The following LMAN1 variants were observed in gnomAD, a reference collection of about 807,000 sequenced individuals.
LMAN1 encodes protein ERGIC-53.
Under a neutral mutation model 67.8 loss-of-function variants are expected in LMAN1, and 32 were observed. The ratio of observed to expected loss-of-function variants is 0.47; its 90% confidence interval spans 0.36 to 0.63. The LOEUF (loss-of-function observed/expected upper bound fraction) is 0.63, where lower values mean the gene tolerates loss of function less well. LMAN1 is among the 30% of genes least tolerant of loss of function. The pLI is 0.00. For missense variants in LMAN1, 632 were observed against 628.2 expected, an observed-to-expected ratio of 1.01 and a Z score of -0.06; for synonymous variants, 235 against 219.3, an observed-to-expected ratio of 1.07 and a Z score of -0.63.
rs531639034 is a variant in LMAN1 at position 59,344,052 on chromosome 18, A to C, written c.955+1867T>G. Among the ~76,000 whole-genome samples, 3 of 152,284 alleles carry C rather than the reference A, an allele frequency of 2.0e-5. No homozygotes were observed. In the South Asian group the frequency reaches 6.2e-4, roughly 32 times the overall value. Reference sequence around the variant, plus strand: ...AATAAATGAAGAAATGCTCAACATCACTAATCATCAAAAAAATCCAAATTA... The same window carrying C: ...AATAAATGAAGAAATGCTCAACATCCCTAATCATCAAAAAAATCCAAATTA... On this transcript the variant is annotated intron_variant, in intron 8 of 12. Coordinates refer to ENST00000251047, the MANE Select transcript of LMAN1 (RefSeq NM_005570.4).
At position 59,353,239 on chromosome 18, in the gene LMAN1, A is replaced by G; in HGVS notation, c.602T>C (p.Val201Ala). The G allele has an allele frequency of 6.2e-7, 1 of 1,614,142 alleles. No individual in the cohort carries two copies. The highest frequency in any genetic ancestry group is 8.5e-7 in the Non-Finnish European group (1 of 1,180,002). ...CTGGTAATAGGTAATCTTTGCTCGGACAGGATAGGGTTTGTTGCGGAAGTC... is the reference window on the plus strand; with the variant it reads ...CTGGTAATAGGTAATCTTTGCTCGGGCAGGATAGGGTTTGTTGCGGAAGTC... ...QRDFRNKPYPVRAKITYYQNT... is the reference protein window; with the variant it reads ...QRDFRNKPYPARAKITYYQNT... Residue 201 changes from valine (V) to alanine (A), a missense_variant, in exon 5 of 13, where the codon GTC becomes GCC. Coordinates refer to ENST00000251047, the MANE Select transcript of LMAN1 (RefSeq NM_005570.4).
chr18:59,340,621 T>C, intron 8 of LMAN1, among the ~76,000 whole-genome samples: 1 of 152,056 alleles, frequency 6.6e-6, no homozygotes, highest in Non-Finnish European at 1.5e-5. Context: ...CAGACCAGCA[T>C]GACAGGAAAT....
intron 6 of LMAN1, 87 bp from the exon 7 acceptor site, chr18:59,347,658 T>C (rs1764686488): frequency 1.0e-6 from 1 of 969,014 alleles, no homozygotes; most frequent in Admixed American, 2.4e-5. Flanking sequence ...TATTTATTGT[T>C]TTAAATAACA....
At chr18:59,336,585 C>T (rs542122289) in intron 10 of LMAN1, among the ~76,000 whole-genome samples, 47 of 152,178 alleles carry the variant, frequency 3.1e-4, no homozygotes, top group African/African-American at 1.0e-3. Flanking sequence ...GGAATTATTT[C>T]GAAATATAAA....
chr18:59,356,890 A>G (rs1003547294), intron 1 of LMAN1, among the ~76,000 whole-genome samples: 5 of 152,234 alleles, frequency 3.3e-5, no homozygotes, highest in Admixed American at 2.6e-4. Context: ...AAAGGGTTAC[A>G]AATTATCATT....
In LMAN1 at chr18:59,355,363, G is replaced by C. The variant is rs746026925; in HGVS notation, c.427C>G (p.Leu143Val). The C allele has an allele frequency of 6.2e-7, 1 of 1,613,884 alleles. No homozygotes were observed. Among genetic ancestry groups the C allele is most frequent in the South Asian group, 1.1e-5 (1 of 91,074 alleles). The change falls in exon 3 of 13, where the codon CTG (leucine) becomes GTG (valine). Residue 143 changes from leucine (L) to valine (V), a missense_variant. Physicochemically the swap from Leu to Val is conservative, Grantham distance 32. Transcript: ENST00000251047. ...AAAAATATTCCAACACCATTCCACA[G>C]ATCAGCTGATCCAAACACAGGGCCC... ...LEGPVFGSAD[L>V]WNGVGIFFDS...
intron 1 of LMAN1, among the ~76,000 whole-genome samples, chr18:59,358,323 ACAAT>A (rs1383226482): frequency 1.3e-5 from 2 of 152,246 alleles, no homozygotes; most frequent in Non-Finnish European, 2.9e-5. Context: ...AGGTTCAGAA[ACAAT>A]CAATCCCTAA....
At position 59,328,120 on chromosome 18, in the gene LMAN1, T is replaced by C. The variant is rs2144203762; in HGVS notation, c.*2973A>G. On this transcript the variant is annotated 3_prime_UTR_variant, in exon 13 of 13. Coordinates refer to ENST00000251047, the MANE Select transcript of LMAN1 (RefSeq NM_005570.4). ...CAATAAGCACATGGACAGGGAAAGA[T>C]AATCACACCTTAATATTCACAACTG... is the stretch of plus-strand genomic sequence containing the variant. 1 of 152,354 alleles carries C rather than the reference T, an allele frequency of 6.6e-6. No homozygotes were observed. The highest frequency in any genetic ancestry group is 2.1e-4 in the South Asian group (1 of 4,828). The allele number at this position is 152,354 out of a possible 1,614,324, so 9.4% of individuals were successfully genotyped here. A position where few individuals can be genotyped will look rare whatever the true frequency, so the allele number is the denominator to read the frequency against.
In LMAN1 at chr18:59,355,630, T is replaced by A. The variant is rs767543393; in HGVS notation, c.243A>T (p.Arg81=). The A allele has an allele frequency of 3.2e-5, 52 of 1,613,900 alleles. No homozygotes were observed. The highest frequency in any genetic ancestry group is 4.2e-5 in the Non-Finnish European group (50 of 1,179,946). ...TTTGGCTTTTTAAAGATGGTGCTAC[T>A]CGAATTTGATCTGAACTTGGAATAG... ...GNAIPSSDQI[R]VAPSLKSQRG... The change falls in exon 2 of 13, where the codon CGA becomes CGT. Residue 81 remains arginine, a synonymous_variant. Coordinates refer to ENST00000251047, the MANE Select transcript of LMAN1 (RefSeq NM_005570.4).
rs773442261 is a variant in LMAN1 at position 59,349,160 on chromosome 18, G to C, written c.716C>G (p.Pro239Arg). 3 of 1,613,948 alleles carry C rather than the reference G, an allele frequency of 1.9e-6. No homozygotes were observed. In the East Asian group the frequency reaches 6.7e-5, roughly 36 times the overall value. The change falls in exon 6 of 13, where the codon CCT (proline) becomes CGT (arginine). Residue 239 changes from proline to arginine, a missense_variant. Coordinates refer to ENST00000251047, the MANE Select transcript of LMAN1 (RefSeq NM_005570.4). ...AGATATTCCAAAATGCCCTTGTGCA[G>C]GGATAATCATATTTTCCACTTTGGC... ...FCAKVENMII[P>R]AQGHFGISAA...
chr18:59,352,919 C>A, intron 5 of LMAN1: 1 of 378,014 alleles, frequency 2.6e-6, no homozygotes, highest in South Asian at 2.2e-5. Flanking sequence ...ATCTATCTAT[C>A]TACCTATCTA....
Position 59,355,337 on chromosome 18 carries a change from A to C in LMAN1, c.453T>G (p.Phe151Leu). ...ADLWNGVGIF[F>L]DSFDNDGKKN... ...CCTTTCCATCATTGTCAAAAGAATC[A>C]AAAAATATTCCAACACCATTCCACA... The change falls in exon 3 of 13, where the codon TTT becomes TTG. Residue 151 changes from phenylalanine to leucine, a missense_variant. Transcript: ENST00000251047. 1 of 1,613,342 alleles carries C rather than the reference A, an allele frequency of 6.2e-7. No individual in the cohort carries two copies. Among genetic ancestry groups the C allele is most frequent in the Non-Finnish European group, 8.5e-7 (1 of 1,179,356 alleles).
chr18:59,349,065 T>C (rs377579899), intron 6 of LMAN1, 48 bp downstream of exon 6: 2 of 1,610,318 alleles, frequency 1.2e-6, no homozygotes, highest in African/African-American at 2.7e-5. Context: ...CTATTCCCAA[T>C]AAAACACACC....
chr18:59,356,179 C>A (rs1031098792), intron 1 of LMAN1, among the ~76,000 whole-genome samples: 1 of 152,148 alleles, frequency 6.6e-6, no homozygotes, highest in African/African-American at 2.4e-5. Flanking sequence ...TCCATAAACA[C>A]CCTAAAAGTT....
At position 59,355,307 on chromosome 18, in the gene LMAN1, A is replaced by G. The variant is rs759872718; in HGVS notation, c.477+6T>C. On this transcript the variant is annotated splice_donor_region_variant and intron_variant, in intron 3 of 12. Transcript: ENST00000251047. ...AAGTGGATAACAGTCCTGACAATAAATATACCTTTCCATCATTGTCAAAAG... is the reference window on the plus strand; with the variant it reads ...AAGTGGATAACAGTCCTGACAATAAGTATACCTTTCCATCATTGTCAAAAG... 4.6e-5 allele frequency: 73 copies of G among 1,595,610 alleles called. No individual in the cohort carries two copies. The highest frequency in any genetic ancestry group is 1.6e-4 in the Middle Eastern group (1 of 6,064).
chr18:59,359,240 G>A lies in LMAN1; in HGVS notation c.5C>T (p.Ala2Val), dbSNP rs760200001. The A allele has an allele frequency of 6.2e-6, 10 of 1,613,478 alleles. No individual in the cohort carries two copies. Among genetic ancestry groups the A allele is most frequent in the Non-Finnish European group, 5.9e-6 (7 of 1,179,664 alleles). M[A>V]GSRQRGLRAR... The stretch of plus-strand genomic sequence containing the variant: ...CCGGAGACCCCTTTGCCTGGATCCC[G>A]CCATCTTGGATTCTGGAACGCGGAG... The change falls in exon 1 of 13, where the codon GCG becomes GTG. Residue 2 changes from alanine to valine, a missense_variant. Transcript: ENST00000251047.
chr18:59,353,297 C>T lies in LMAN1; in HGVS notation c.544G>A (p.Gly182Arg), dbSNP rs754482563. 1.8e-5 allele frequency: 29 copies of T among 1,612,684 alleles called. No individual in the cohort carries two copies. Among genetic ancestry groups the T allele is most frequent in the Admixed American group, 8.3e-5 (5 of 60,006 alleles). Residue 182 changes from glycine to arginine, a missense_variant, in exon 5 of 13, where the codon GGG becomes AGG. Coordinates refer to ENST00000251047, the MANE Select transcript of LMAN1 (RefSeq NM_005570.4). ...GQIHYDHQND[G>R]ASQALASCQR... ...CAACTTGCCAAAGCTTGACTAGCCC[C>T]GTCACTATAGTGTAAGGGGGAGGAA...
At chr18:59,357,963 TAAA>T (rs150790005) in intron 1 of LMAN1, among the ~76,000 whole-genome samples, 11,412 of 102,350 alleles carry the variant, frequency 0.11, 488 homozygotes, top group Middle Eastern at 0.21. Flanking sequence ...AACCTTATAG[TAAA>T]AAAAAAAAAA....
chr18:59,351,826 C>T (rs1025292652), intron 5 of LMAN1, among the ~76,000 whole-genome samples: 1 of 152,166 alleles, frequency 6.6e-6, no homozygotes, highest in African/African-American at 2.4e-5. Flanking sequence ...ACTGATGACT[C>T]TAATGAAACT....
Sources: allele counts gnomAD v4.1 joint callset (sites outside exome capture counted in the v4.1 genomes callset), GRCh38; gene constraint gnomAD v4.1.1; transcripts MANE v1.5; gene names NCBI Gene and HGNC (gene_info 2026-07-23, HGNC 2026-07-21).